The following ARNT variants were observed in gnomAD, a reference collection of about 807,000 sequenced individuals.
ARNT encodes the protein aryl hydrocarbon receptor nuclear translocator.
ARNT carries 30 observed loss-of-function variants against 105.0 expected under a neutral mutation model. The observed-to-expected ratio is 0.29, with a 90% confidence interval of 0.21 to 0.39. ARNT has a LOEUF of 0.39. Among genes scored for constraint, ARNT ranks in the 10% least tolerant of loss-of-function variants. The pLI, the probability that ARNT is intolerant of heterozygous loss-of-function variation, is 1.00. For missense variants in ARNT, 748 were observed against 978.7 expected (o/e 0.76, Z 3.15); for synonymous variants, 304 against 344.0 (o/e 0.88, Z 1.29).
In ARNT at chr1:150,849,095, C is replaced by T. The variant is rs1343203288; in HGVS notation, c.183-2788G>A. ...GTGCATGCCTGTAATCCCAGCTACT[C>T]GGGAGGCTGAGGCAGGAGAATCGCT... is the stretch of plus-strand genomic sequence containing the variant. On this transcript the variant is annotated intron_variant, in intron 3 of 21. Coordinates refer to ENST00000358595, the MANE Select transcript of ARNT (RefSeq NM_001668.4). Among the ~76,000 whole-genome samples, 6 of 151,942 alleles carry T rather than the reference C, an allele frequency of 3.9e-5. No homozygotes were observed. The East Asian group carries it at 9.7e-4, about 25-fold the overall frequency.
At chr1:150,858,570 A>G in intron 1 of ARNT, 110 bp from the exon 2 acceptor site, 2 of 864,998 alleles carry the variant, frequency 2.3e-6, no homozygotes, top group Non-Finnish European at 3.5e-6. Context: ...AAATCTCAGC[A>G]GTTTGCTAAA....
In ARNT at chr1:150,850,788, G is replaced by C. The variant is rs374603369; in HGVS notation, c.182+1974C>G. Among the ~76,000 whole-genome samples the C allele has an allele frequency of 2.4e-3, 365 of 149,526 alleles. 7 individuals carry two copies. The East Asian group carries it at 0.048, about 20-fold the overall frequency. ...CCCCTCTGCCCGGCTGCCCAGTCTG[G>C]GAACTGAGGAGCGCCTCTTCCCGGC... On this transcript the variant is annotated intron_variant, in intron 3 of 21. Coordinates refer to ENST00000358595, the MANE Select transcript of ARNT (RefSeq NM_001668.4).
chr1:150,858,632 T>A (rs80056153), intron 1 of ARNT, among the ~76,000 whole-genome samples, 172 bp from the exon 2 acceptor site: 1 of 151,428 alleles, frequency 6.6e-6, no homozygotes, highest in South Asian at 2.1e-4. Context: ...TTTTTTTTTT[T>A]TGAGACCAGG....
intron 5 of ARNT, among the ~76,000 whole-genome samples, chr1:150,839,938 A>T (rs1487459551): frequency 6.6e-6 from 1 of 152,172 alleles, no homozygotes; most frequent in Non-Finnish European, 1.5e-5. Flanking sequence ...CTCAGAACAA[A>T]AGCTGTTTTA....
chr1:150,827,257 A>G (rs1380443026), intron 12 of ARNT, among the ~76,000 whole-genome samples: 1 of 152,208 alleles, frequency 6.6e-6, no homozygotes, highest in African/African-American at 2.4e-5. Context: ...ATAGTTGTGC[A>G]ATGATTACCA....
At chr1:150,814,339 C>A (rs1381768401) in intron 19 of ARNT, 100 bp from the exon 20 acceptor site, 1 of 1,125,266 alleles carries the variant, frequency 8.9e-7, no homozygotes, top group Admixed American at 2.4e-5. Flanking sequence ...CTGCATCCTT[C>A]TGAACCAAGC....
intron 19 of ARNT, among the ~76,000 whole-genome samples, chr1:150,815,301 C>T (rs587723985): frequency 6.6e-6 from 1 of 152,152 alleles, no homozygotes; most frequent in South Asian, 2.1e-4. Context: ...GTAATCCCAG[C>T]ACTTTGGGAG....
intron 2 of ARNT, among the ~76,000 whole-genome samples, chr1:150,853,491 T>C (rs1664015504): frequency 6.6e-6 from 1 of 152,222 alleles, no homozygotes; most frequent in Admixed American, 6.5e-5. Context: ...CTCTAAGCCG[T>C]GTTACCAAAT....
In ARNT at chr1:150,844,903, G is replaced by A. The variant is rs587770340; in HGVS notation, c.227+1360C>T. ...CTGCTCACTGCAACCTCCACCTCCC[G>A]GGCTCATGCAATTCTCATGCCTCAG... On this transcript the variant is annotated intron_variant, in intron 4 of 21. Transcript: ENST00000358595. 5.1e-4 allele frequency among the ~76,000 whole-genome samples: 76 copies of A among 150,044 alleles called. 1 individual carries two copies. Among genetic ancestry groups the A allele is most frequent in the African/African-American group, 1.8e-3 (72 of 40,812 alleles).
chr1:150,854,622 T>A (rs1039645360), intron 2 of ARNT, among the ~76,000 whole-genome samples: 3 of 151,818 alleles, frequency 2.0e-5, no homozygotes, highest in Non-Finnish European at 2.9e-5. Context: ...TTTGGGAAGC[T>A]GAGGCAGGCG....
intron 1 of ARNT, among the ~76,000 whole-genome samples, chr1:150,866,774 T>C (rs367810645): frequency 2.4e-4 from 37 of 152,122 alleles, no homozygotes; most frequent in Non-Finnish European, 3.7e-4. Context: ...AAAAATAAAA[T>C]CCAAACACTT....
chr1:150,863,479 G>A (rs1666020265), intron 1 of ARNT, among the ~76,000 whole-genome samples: 1 of 152,042 alleles, frequency 6.6e-6, no homozygotes, highest in African/African-American at 2.4e-5. Context: ...AATAAAGAAG[G>A]CAGGCAACCA....
intron 1 of ARNT, among the ~76,000 whole-genome samples, chr1:150,870,907 CT>C (rs981954393): frequency 1.4e-4 from 21 of 151,854 alleles, no homozygotes; most frequent in African/African-American, 4.8e-4. Flanking sequence ...TGGCTCACAC[CT>C]GTAACCCCGG....
chr1:150,855,798 G>A (rs1051468261), intron 2 of ARNT, among the ~76,000 whole-genome samples: 2 of 150,918 alleles, frequency 1.3e-5, no homozygotes, highest in Non-Finnish European at 2.9e-5. Flanking sequence ...GCTACTCGGA[G>A]AACTGAAGTA....
intron 1 of ARNT, among the ~76,000 whole-genome samples, chr1:150,864,787 A>G: frequency 6.7e-6 from 1 of 148,424 alleles, no homozygotes; most frequent in Non-Finnish European, 1.5e-5. Flanking sequence ...TAAATAAATA[A>G]ATAAATAAAA....
intron 15 of ARNT, 93 bp downstream of exon 15, chr1:150,817,827 A>AG: frequency 8.9e-7 from 1 of 1,120,010 alleles, no homozygotes; most frequent in Non-Finnish European, 1.3e-6. Flanking sequence ...AAAAAAAAAA[A>AG]AAAATTAACC....
chr1:150,814,340 T>C (rs1655391052), intron 19 of ARNT, 101 bp from the exon 20 acceptor site: 2 of 1,128,198 alleles, frequency 1.8e-6, no homozygotes, highest in Non-Finnish European at 2.5e-6. Context: ...TGCATCCTTC[T>C]GAACCAAGCT....
Position 150,852,850 on chromosome 1 carries a change from C to T in ARNT, c.138-44G>A, listed in dbSNP as rs750177207. The T allele has an allele frequency of 6.8e-6, 11 of 1,609,096 alleles. No homozygotes were observed. In the African/African-American group the frequency reaches 1.2e-4, roughly 18 times the overall value. ...AAATACTTTAAGCCTGCTGATAATA[C>T]AAAACATTAAGAAGTTAAAATTTCT... On this transcript the variant is annotated intron_variant, in intron 2 of 21. Coordinates refer to ENST00000358595, the MANE Select transcript of ARNT (RefSeq NM_001668.4).
Position 150,810,792 on chromosome 1 carries a change from A to C in ARNT, c.*1229T>G, listed in dbSNP as rs956131404. 3 of 223,328 alleles carry C rather than the reference A, an allele frequency of 1.3e-5. No individual in the cohort carries two copies. The Admixed American group carries it at 1.7e-4, about 13-fold the overall frequency. The allele number at this position is 223,328 out of a possible 1,614,324, so 13.8% of individuals were successfully genotyped here. A position where few individuals can be genotyped will look rare whatever the true frequency, so the allele number is the denominator to read the frequency against. On this transcript the variant is annotated 3_prime_UTR_variant, in exon 22 of 22. Coordinates refer to ENST00000358595, the MANE Select transcript of ARNT (RefSeq NM_001668.4). ...CCCATCTATCATACGGAATTATGAT[A>C]CTTGCACTCTAAAGCAAAACCCAAT...
Sources: allele counts gnomAD v4.1 joint callset (sites outside exome capture counted in the v4.1 genomes callset), GRCh38; gene constraint gnomAD v4.1.1; transcripts MANE v1.5; gene names NCBI Gene and HGNC (gene_info 2026-07-23, HGNC 2026-07-21).